CAB39L: variants seen among roughly 807,000 people sequenced by gnomAD.
CAB39L encodes the protein calcium binding protein 39 like.
In CAB39L, 23 loss-of-function variants were observed where a neutral mutation model predicts 39.1. The ratio of observed to expected loss-of-function variants is 0.59; its 90% CI spans 0.42 to 0.83. The LOEUF (loss-of-function observed/expected upper bound fraction) is 0.83. CAB39L is among the 40% of genes least tolerant of loss of function. The pLI is 0.00. For synonymous variants in CAB39L, 126 were observed against 137.2 expected, an observed-to-expected ratio of 0.92 and a Z score of 0.57; for missense variants, 366 against 391.9, an observed-to-expected ratio of 0.93 and a Z score of 0.56.
At chr13:49,382,747 T>G in intron 4 of CAB39L, 53 bp downstream of exon 4, 1 of 1,083,694 alleles carries the variant, frequency 9.2e-7, no homozygotes, top group East Asian at 2.4e-5. Flanking sequence ...ACATTGGTTT[T>G]TGGCATTGCG....
chr13:49,334,879 C>G (rs1205714551), intron 9 of CAB39L, among the ~76,000 whole-genome samples: 1 of 152,206 alleles, frequency 6.6e-6, no homozygotes, highest in African/African-American at 2.4e-5. Flanking sequence ...ACTACCATTT[C>G]TGTGCACTCT....
intron 4 of CAB39L, among the ~76,000 whole-genome samples, chr13:49,378,590 G>A (rs1446124223): frequency 3.9e-5 from 3 of 76,078 alleles, no homozygotes; most frequent in East Asian, 2.5e-4. Flanking sequence ...GGGAGGTGGG[G>A]GGGTCAGCCC....
intron 3 of CAB39L, among the ~76,000 whole-genome samples, chr13:49,402,555 C>T (rs1956796663): frequency 6.6e-6 from 1 of 152,246 alleles, no homozygotes; most frequent in African/African-American, 2.4e-5. Flanking sequence ...CTTCCAAGTA[C>T]AGAAGGAACA....
At chr13:49,335,829 G>A (rs892120838) in intron 9 of CAB39L, among the ~76,000 whole-genome samples, 9 of 152,256 alleles carry the variant, frequency 5.9e-5, no homozygotes, top group Admixed American at 6.5e-5. Flanking sequence ...TTGACACCAG[G>A]AATTAAGCAG....
rs776038637 is a variant in CAB39L at position 49,434,158 on chromosome 13, G to A, written c.-180C>T. ...ACTGATTTGGGGTTCGCATCTTTAC[G>A]TTCTGAACAGCAACTTAGAACACTT... On this transcript the variant is annotated 5_prime_UTR_variant, in exon 2 of 11. In the 5' UTR this introduces an upstream ATG that the reference lacks. Transcript: ENST00000409308. 2.2e-5 allele frequency: 10 copies of A among 456,790 alleles called. No individual in the cohort carries two copies. Among genetic ancestry groups the A allele is most frequent in the South Asian group, 9.3e-5 (6 of 64,538 alleles). The allele number at this position is 456,790 out of a possible 1,614,324, so 28.3% of individuals were successfully genotyped here.
chr13:49,364,834 T>C (rs1457077392), intron 5 of CAB39L, among the ~76,000 whole-genome samples: 2 of 152,030 alleles, frequency 1.3e-5, no homozygotes, highest in Admixed American at 6.5e-5. Flanking sequence ...TGTCCATGGA[T>C]TGAAAGAAAC....
At chr13:49,418,963 A>G (rs1313009996) in intron 3 of CAB39L, among the ~76,000 whole-genome samples, 2 of 152,072 alleles carry the variant, frequency 1.3e-5, no homozygotes, top group Non-Finnish European at 2.9e-5. Flanking sequence ...TTTACATTTT[A>G]TTCATCAAAA....
At chr13:49,409,401 A>T (rs748216505) in intron 3 of CAB39L, among the ~76,000 whole-genome samples, 29 of 151,874 alleles carry the variant, frequency 1.9e-4, no homozygotes, top group Non-Finnish European at 5.9e-5. Flanking sequence ...GGATATAAAG[A>T]CTAGAAGGAC....
At chr13:49,334,582 A>ATTTG (rs1393620084) in intron 9 of CAB39L, among the ~76,000 whole-genome samples, 3 of 152,194 alleles carry the variant, frequency 2.0e-5, no homozygotes, top group Admixed American at 2.0e-4. Context: ...TCTACAGTTG[A>ATTTG]CTTTGCTTTG....
intron 3 of CAB39L, among the ~76,000 whole-genome samples, chr13:49,399,989 C>T (rs994084185): frequency 6.6e-6 from 1 of 151,978 alleles, no homozygotes; most frequent in African/African-American, 2.4e-5. Flanking sequence ...CCTGCAAAAT[C>T]CCACAAAACA....
intron 7 of CAB39L, among the ~76,000 whole-genome samples, chr13:49,349,407 T>C (rs1261041132): frequency 6.6e-6 from 1 of 150,900 alleles, no homozygotes; most frequent in African/African-American, 2.4e-5. Flanking sequence ...GTTATGTAAA[T>C]AGAACAATTA....
chr13:49,378,262 G>T (rs1476999295), intron 4 of CAB39L, among the ~76,000 whole-genome samples: 1 of 85,680 alleles, frequency 1.2e-5, no homozygotes, highest in Non-Finnish European at 2.4e-5. Flanking sequence ...GGAGGGAGGT[G>T]GGGGGGGGTC....
chr13:49,390,930 G>T (rs976758055), intron 3 of CAB39L, among the ~76,000 whole-genome samples: 2 of 152,004 alleles, frequency 1.3e-5, no homozygotes, highest in Non-Finnish European at 2.9e-5. Context: ...ACAGATAACT[G>T]ATGAGAGAGT....
chr13:49,377,808 CG>C (rs1956120612), intron 4 of CAB39L, among the ~76,000 whole-genome samples: 2 of 94,584 alleles, frequency 2.1e-5, no homozygotes, highest in African/African-American at 1.2e-4. Flanking sequence ...TCTGCCCGGC[CG>C]CCACCCCGTC....
chr13:49,316,090 A>T (rs1213545057), intron 10 of CAB39L, among the ~76,000 whole-genome samples: 1 of 152,140 alleles, frequency 6.6e-6, no homozygotes, highest in African/African-American at 2.4e-5. Context: ...TTTGAAAAAA[A>T]TTAATAAAAT....
intron 6 of CAB39L, among the ~76,000 whole-genome samples, chr13:49,351,891 T>C (rs868692996): frequency 1.2e-4 from 18 of 152,098 alleles, no homozygotes; most frequent in Admixed American, 7.2e-4. Context: ...GGGTAGATGG[T>C]GGTGCTATTT....
intron 10 of CAB39L, among the ~76,000 whole-genome samples, chr13:49,318,811 CA>C (rs1274707885): frequency 6.6e-6 from 1 of 151,256 alleles, no homozygotes; most frequent in Admixed American, 6.6e-5. Flanking sequence ...ATACATTGTT[CA>C]AACAAAAACT....
intron 4 of CAB39L, among the ~76,000 whole-genome samples, chr13:49,382,157 A>G (rs1230753877): frequency 2.6e-5 from 4 of 151,966 alleles, no homozygotes; most frequent in Non-Finnish European, 4.4e-5. Context: ...TCTACCATTT[A>G]GATTTATACT....
At chr13:49,335,710 A>G (rs915164873) in intron 9 of CAB39L, among the ~76,000 whole-genome samples, 10 of 152,234 alleles carry the variant, frequency 6.6e-5, no homozygotes, top group African/African-American at 2.2e-4. Flanking sequence ...CTTTTGAATT[A>G]TAATCTTTCT....
Sources: allele counts gnomAD v4.1 joint callset (sites outside exome capture counted in the v4.1 genomes callset), GRCh38; gene constraint gnomAD v4.1.1; transcripts MANE v1.5; gene names NCBI Gene and HGNC (gene_info 2026-07-23, HGNC 2026-07-21).